Variants in RASGRP1 observed in about 807,000 individuals in gnomAD.
The protein encoded by RASGRP1 is RAS guanyl-releasing protein 1.
RASGRP1 carries 37 observed loss-of-function variants against 95.1 expected under a neutral mutation model. The observed-to-expected ratio is 0.39, with a 90% confidence interval of 0.30 to 0.51. The LOEUF (loss-of-function observed/expected upper bound fraction) is 0.51. Ranked by LOEUF, RASGRP1 falls within the 20% of genes least tolerant of loss-of-function variation. The pLI is 0.80. For synonymous variants in RASGRP1, 325 were observed against 353.4 expected (o/e 0.92, Z 0.90); for missense variants, 711 against 965.4 (o/e 0.74, Z 3.49).
intron 13 of RASGRP1, 101 bp from the exon 14 acceptor site, chr15:38,500,240 CA>C: frequency 3.2e-6 from 4 of 1,231,810 alleles, no homozygotes; most frequent in Non-Finnish European, 4.7e-6. Context: ...CTCTCTAGCT[CA>C]AGTGGGAAGG....
chr15:38,557,601 A>ATGTGTG (rs5812045), intron 2 of RASGRP1, among the ~76,000 whole-genome samples: 27,019 of 145,094 alleles, frequency 0.19, 2,520 homozygotes, highest in Admixed American at 0.21. Flanking sequence ...TTGTATATAT[A>ATGTGTG]TGTGTGTGTG....
intron 15 of RASGRP1, among the ~76,000 whole-genome samples, chr15:38,495,339 T>G (rs1890757831): frequency 6.6e-6 from 1 of 152,146 alleles, no homozygotes; most frequent in South Asian, 2.1e-4. Flanking sequence ...CTGGTTTTCT[T>G]TAACTAAGAC....
chr15:38,493,601 A>G (rs1890681702), intron 16 of RASGRP1, among the ~76,000 whole-genome samples: 1 of 152,148 alleles, frequency 6.6e-6, no homozygotes, highest in African/African-American at 2.4e-5. Flanking sequence ...GTACCTGATA[A>G]TTAGGACATT....
chr15:38,505,758 G>A, intron 10 of RASGRP1, 82 bp downstream of exon 10: 2 of 1,112,706 alleles, frequency 1.8e-6, no homozygotes, highest in Non-Finnish European at 1.3e-6. Flanking sequence ...TGAACTGAAA[G>A]TCTGTTCCTG....
chr15:38,499,403 G>A (rs931039114), intron 14 of RASGRP1, among the ~76,000 whole-genome samples: 2 of 152,162 alleles, frequency 1.3e-5, no homozygotes, highest in Admixed American at 6.5e-5. Context: ...ATCTTCTGTT[G>A]CAGAAGAGAT....
chr15:38,498,452 C>T (rs1027671245), intron 15 of RASGRP1, among the ~76,000 whole-genome samples: 2 of 152,080 alleles, frequency 1.3e-5, no homozygotes, highest in Non-Finnish European at 1.5e-5. Flanking sequence ...TACATATTTT[C>T]CCTAGTCACT....
Position 38,499,082 on chromosome 15 carries a change from C to T in RASGRP1, c.1721-136G>A, listed in dbSNP as rs3936122. 0.11 allele frequency: 131,389 copies of T among 1,175,994 alleles called. 8,322 individuals carry two copies. Among genetic ancestry groups the T allele is most frequent in the Admixed American group, 0.19 (11,429 of 59,260 alleles). The allele number at this position is 1,175,994 out of a possible 1,614,324, so 72.8% of individuals were successfully genotyped here. A position where few individuals can be genotyped will look rare whatever the true frequency, so the allele number is the denominator to read the frequency against. On this transcript the variant is annotated intron_variant, in intron 14 of 16. Coordinates refer to ENST00000310803, the MANE Select transcript of RASGRP1 (RefSeq NM_005739.4). ...TTCTGGAGCTAAGACACTTAACATT[C>T]CTAATGAAGCTAGCATTCTTCTCAC...
chr15:38,538,155 T>A (rs775331648), intron 2 of RASGRP1, among the ~76,000 whole-genome samples: 13 of 151,998 alleles, frequency 8.6e-5, no homozygotes, highest in Non-Finnish European at 1.5e-4. Context: ...TCTCAGCTAC[T>A]CAGGAGGCTG....
At chr15:38,551,544 A>G (rs1362311606) in intron 2 of RASGRP1, among the ~76,000 whole-genome samples, 1 of 152,242 alleles carries the variant, frequency 6.6e-6, no homozygotes, top group Non-Finnish European at 1.5e-5. Flanking sequence ...TGGGTTAAGT[A>G]AAACTGATTA....
intron 5 of RASGRP1, among the ~76,000 whole-genome samples, chr15:38,516,569 G>T (rs1203797338): frequency 6.6e-6 from 1 of 152,056 alleles, no homozygotes; most frequent in Admixed American, 6.6e-5. Flanking sequence ...CCTTTTAAGT[G>T]TGCAGTTGGG....
At chr15:38,537,361 T>C (rs955325604) in intron 2 of RASGRP1, among the ~76,000 whole-genome samples, 1 of 151,986 alleles carries the variant, frequency 6.6e-6, no homozygotes, top group Non-Finnish European at 1.5e-5. Flanking sequence ...ACAATCATGG[T>C]AGAGGGTGAA....
At chr15:38,506,413 T>C (rs961399129) in intron 9 of RASGRP1, among the ~76,000 whole-genome samples, 10 of 152,166 alleles carry the variant, frequency 6.6e-5, no homozygotes, top group African/African-American at 2.2e-4. Flanking sequence ...GGCAGGTTGA[T>C]TGCTTGAGCT....
chr15:38,564,513 G>C, intron 1 of RASGRP1, 81 bp downstream of exon 1: 1 of 1,242,166 alleles, frequency 8.1e-7, no homozygotes, highest in African/African-American at 1.6e-5. Flanking sequence ...ACTTCCCTCG[G>C]GGTGTTGGGG....
intron 2 of RASGRP1, among the ~76,000 whole-genome samples, chr15:38,529,683 A>G (rs1296367015): frequency 6.6e-6 from 1 of 152,166 alleles, no homozygotes; most frequent in African/African-American, 2.4e-5. Context: ...TTTTTCCACA[A>G]CTATATTTCC....
chr15:38,495,042 T>C (rs1372867389), intron 15 of RASGRP1, among the ~76,000 whole-genome samples: 1 of 152,184 alleles, frequency 6.6e-6, no homozygotes, highest in African/African-American at 2.4e-5. Context: ...TGGAGGTAAG[T>C]TGAAGCCCCT....
At position 38,490,675 on chromosome 15, in the gene RASGRP1, A is replaced by T; in HGVS notation, c.2273T>A (p.Leu758Gln). The change falls in exon 17 of 17, where the codon CTG becomes CAG. Residue 758 changes from leucine to glutamine, a missense_variant. By Grantham distance (113) the Leu-to-Gln change is moderately radical. Around this residue, in one of 3 missense-constraint regions of RASGRP1, gnomAD observed 212 missense variants for 247.8 expected, o/e 0.86. Transcript: ENST00000310803. ...YQELEQEINT[L>Q]KADNDALKIQ... ...CTTTAGGGCATCATTATCTGCTTTC[A>T]GAGTATTTATTTCCTAAAGGGAAAG... is the stretch of plus-strand genomic sequence containing the variant. 6.2e-7 allele frequency: 1 copy of T among 1,611,004 alleles called. No homozygotes were observed. Among genetic ancestry groups the T allele is most frequent in the Non-Finnish European group, 8.5e-7 (1 of 1,178,140 alleles).
chr15:38,504,489 C>G (rs1891174784), intron 10 of RASGRP1: 1 of 152,052 alleles, frequency 6.6e-6, no homozygotes, highest in East Asian at 1.9e-4. Context: ...CACTCATTGG[C>G]CTATGTCTAT....
At chr15:38,491,830 T>TTTAC (rs1300167124) in intron 16 of RASGRP1, among the ~76,000 whole-genome samples, 1 of 152,038 alleles carries the variant, frequency 6.6e-6, no homozygotes, top group African/African-American at 2.4e-5. Flanking sequence ...GGTGAGAGGG[T>TTTAC]TTACTGGCTC....
Position 38,564,647 on chromosome 15 carries a change from C to A in RASGRP1, c.-19G>T. 1.5e-6 allele frequency: 2 copies of A among 1,318,082 alleles called. No homozygotes were observed. Among genetic ancestry groups the A allele is most frequent in the Non-Finnish European group, 9.7e-7 (1 of 1,027,304 alleles). 81.6% of individuals were successfully genotyped at this position (1,318,082 alleles called of 1,614,324 possible). A position where few individuals can be genotyped will look rare whatever the true frequency, so the allele number is the denominator to read the frequency against. On this transcript the variant is annotated 5_prime_UTR_variant, in exon 1 of 17. Coordinates refer to ENST00000310803, the MANE Select transcript of RASGRP1 (RefSeq NM_005739.4). ...TGCCCATGGCCGCGGCCCGCGCTCC[C>A]GGTGCCGGCTCACCTAGCGCGGCCG...
Sources: allele counts gnomAD v4.1 joint callset (sites outside exome capture counted in the v4.1 genomes callset), GRCh38; gene constraint gnomAD v4.1.1; regional missense constraint gnomAD v4.1.1; transcripts MANE v1.5; gene names NCBI Gene and HGNC (gene_info 2026-07-23, HGNC 2026-07-21).